The following SIPA1L2 variants were observed in gnomAD, a reference collection of about 807,000 sequenced individuals.
SIPA1L2 encodes the protein signal-induced proliferation-associated 1-like protein 2.
SIPA1L2 carries 56 observed loss-of-function variants against 163.9 expected under a neutral mutation model. The observed-to-expected ratio is 0.34, with a 90% CI of 0.28 to 0.43. SIPA1L2 has a LOEUF of 0.43. Ranked by LOEUF, SIPA1L2 falls within the 20% of genes least tolerant of loss-of-function variation. The pLI, the probability that SIPA1L2 is intolerant of heterozygous loss-of-function variation, is 1.00. For missense variants in SIPA1L2, 1,974 were observed against 2,193.5 expected (o/e 0.90, Z 2.00); for synonymous variants, 877 against 865.7 (o/e 1.01, Z -0.23).
rs1318798522 is a variant in SIPA1L2, at chr1:232,398,883, C to T, written c.*244G>A. 8.4e-6 allele frequency: 4 copies of T among 475,160 alleles called. No individual in the cohort carries two copies. Among genetic ancestry groups the T allele is most frequent in the Non-Finnish European group, 1.5e-5 (4 of 268,108 alleles). The allele number at this position is 475,160 out of a possible 1,614,324, so 29.4% of individuals were successfully genotyped here. On this transcript the variant is annotated 3_prime_UTR_variant, in exon 23 of 23. Transcript: ENST00000674635. ...AAAAGAAAAAGGTCTCAACTGTCGC[C>T]AGGGTTTACATTCATCTTCACACCA...
At chr1:232,630,453 C>G (rs1663331828), upstream of SIPA1L2, among the ~76,000 whole-genome samples, 1 of 152,186 alleles carries the variant, frequency 6.6e-6, no homozygotes, top group Non-Finnish European at 1.5e-5. Context: ...TCTAGAGAGC[C>G]GTCGCCGTCC....
chr1:232,461,030 G>C lies in SIPA1L2; in HGVS notation c.2952C>G (p.Gly984=), dbSNP rs1664208715. Residue 984 remains glycine (G), a synonymous_variant, in exon 10 of 23, where the codon GGC becomes GGG. Coordinates refer to ENST00000674635, the MANE Select transcript of SIPA1L2 (RefSeq NM_020808.5). Reference sequence around the variant, plus strand: ...CCACGAGGCGGCTCCCTTGGCGAAGGCCAGCCTTCCAGGCAAAGCCAAAAG... The same window carrying C: ...CCACGAGGCGGCTCCCTTGGCGAAGCCCAGCCTTCCAGGCAAAGCCAAAAG... The part of the protein sequence containing the change: ...VEPFGFAWKA[G]LRQGSRLVEI... 6.2e-7 allele frequency: 1 copy of C among 1,614,272 alleles called. No individual in the cohort carries two copies. The highest frequency in any genetic ancestry group is 1.3e-5 in the African/African-American group (1 of 75,068).
At chr1:232,488,638 C>T (rs1031941599) in intron 5 of SIPA1L2, among the ~76,000 whole-genome samples, 5 of 152,186 alleles carry the variant, frequency 3.3e-5, no homozygotes, top group Admixed American at 6.5e-5. Flanking sequence ...TGAACTACTA[C>T]TAGAGATACG....
intron 5 of SIPA1L2, among the ~76,000 whole-genome samples, chr1:232,489,880 TA>T (rs940705361): frequency 8.5e-5 from 13 of 152,204 alleles, no homozygotes; most frequent in African/African-American, 2.9e-4. Flanking sequence ...ACCTGAAACT[TA>T]AAGACCTTTT....
intron 2 of SIPA1L2, among the ~76,000 whole-genome samples, chr1:232,534,536 A>C (rs982383564): frequency 3.9e-5 from 6 of 152,234 alleles, no homozygotes; most frequent in African/African-American, 1.4e-4. Flanking sequence ...AAATTAATGA[A>C]GTGCCCTTCA....
chr1:232,519,350 C>T (rs78570185), intron 2 of SIPA1L2, among the ~76,000 whole-genome samples: 49 of 152,318 alleles, frequency 3.2e-4, no homozygotes, highest in Admixed American at 7.8e-4. Context: ...CGTGGCTACG[C>T]GGCTGTGTGC....
At chr1:232,544,757 C>A (rs970729397) in intron 2 of SIPA1L2, among the ~76,000 whole-genome samples, 2 of 152,162 alleles carry the variant, frequency 1.3e-5, no homozygotes, top group African/African-American at 4.8e-5. Flanking sequence ...AGATACCTAA[C>A]GCACAACACA....
intron 9 of SIPA1L2, 66 bp downstream of exon 9, chr1:232,464,774 G>T: frequency 7.6e-7 from 1 of 1,323,346 alleles, no homozygotes; most frequent in South Asian, 1.4e-5. Context: ...GTTCCCCAGT[G>T]AAAGTTATTT....
chr1:232,456,357 A>T (rs1663917374), intron 10 of SIPA1L2, among the ~76,000 whole-genome samples: 2 of 152,200 alleles, frequency 1.3e-5, no homozygotes, highest in South Asian at 4.1e-4. Context: ...GCAAAACAGG[A>T]GATGAGAACA....
chr1:232,529,374 A>G (rs374780048), intron 2 of SIPA1L2, among the ~76,000 whole-genome samples: 4 of 152,340 alleles, frequency 2.6e-5, no homozygotes, highest in Middle Eastern at 3.4e-3. Context: ...TTTACTATGT[A>G]ACGGTATACA....
chr1:232,577,508 C>T (rs1660144507), intron 1 of SIPA1L2, among the ~76,000 whole-genome samples: 1 of 152,108 alleles, frequency 6.6e-6, no homozygotes, highest in South Asian at 2.1e-4. Flanking sequence ...ATAGCTATCA[C>T]AGATAGCAAT....
At chr1:232,483,682 C>G in intron 6 of SIPA1L2, 110 bp downstream of exon 6, 1 of 1,187,668 alleles carries the variant, frequency 8.4e-7, no homozygotes. Context: ...GCTTTCTAGG[C>G]TGCTTCTGGG....
intron 1 of SIPA1L2, among the ~76,000 whole-genome samples, chr1:232,587,414 T>C (rs190777912): frequency 1.3e-5 from 2 of 152,262 alleles, no homozygotes; most frequent in East Asian, 3.9e-4. Context: ...ACCTTTCCTG[T>C]ATGTCTTAAA....
intron 1 of SIPA1L2, among the ~76,000 whole-genome samples, chr1:232,611,560 C>T (rs1446609858): frequency 1.3e-5 from 2 of 152,138 alleles, no homozygotes; most frequent in Non-Finnish European, 1.5e-5. Context: ...AAGGTGACTC[C>T]TGTTATGTTT....
At chr1:232,480,911 T>C (rs1320209795) in intron 6 of SIPA1L2, among the ~76,000 whole-genome samples, 1 of 152,214 alleles carries the variant, frequency 6.6e-6, no homozygotes, top group Non-Finnish European at 1.5e-5. Flanking sequence ...AGTATGTCTT[T>C]CTAATATTCA....
At chr1:232,569,911 A>C (rs988635665) in intron 2 of SIPA1L2, among the ~76,000 whole-genome samples, 1 of 152,360 alleles carries the variant, frequency 6.6e-6, no homozygotes, top group East Asian at 1.9e-4. Flanking sequence ...AAAATAAAAA[A>C]GTGCAGGATC....
At chr1:232,606,635 T>C (rs1661937654) in intron 1 of SIPA1L2, among the ~76,000 whole-genome samples, 1 of 148,634 alleles carries the variant, frequency 6.7e-6, no homozygotes, top group Non-Finnish European at 1.5e-5. Flanking sequence ...TTATATATAC[T>C]ATATAATTTA....
intron 19 of SIPA1L2, among the ~76,000 whole-genome samples, chr1:232,409,339 G>A (rs1187726737): frequency 4.9e-4 from 75 of 152,076 alleles, no homozygotes; most frequent in Non-Finnish European, 7.3e-5. Flanking sequence ...ATTTCCGATG[G>A]TTTACTTCTC....
chr1:232,549,963 G>A (rs1341555288), intron 2 of SIPA1L2, among the ~76,000 whole-genome samples: 1 of 152,194 alleles, frequency 6.6e-6, no homozygotes, highest in Non-Finnish European at 1.5e-5. Context: ...GGTGATAACT[G>A]TGACAGTGAA....
Sources: allele counts gnomAD v4.1 joint callset (sites outside exome capture counted in the v4.1 genomes callset), GRCh38; gene constraint gnomAD v4.1.1; transcripts MANE v1.5; gene names NCBI Gene and HGNC (gene_info 2026-07-23, HGNC 2026-07-21).